SPHKAP: variants seen among roughly 807,000 people sequenced by gnomAD.
The protein encoded by SPHKAP is A-kinase anchor protein SPHKAP.
In SPHKAP, 67 loss-of-function variants were observed where a neutral mutation model predicts 137.5. The observed-to-expected ratio is 0.49, with a 90% confidence interval of 0.40 to 0.60. The LOEUF is 0.60. SPHKAP is among the 20% of genes least tolerant of loss of function. The pLI, the probability that SPHKAP is intolerant of heterozygous loss-of-function variation, is 0.00. For missense variants in SPHKAP, 2,097 were observed against 2,069.3 expected (o/e 1.01, Z -0.26); for synonymous variants, 813 against 785.3 (o/e 1.04, Z -0.59).
chr2:228,037,251 A>G (rs925607281), intron 3 of SPHKAP, among the ~76,000 whole-genome samples: 17 of 152,324 alleles, frequency 1.1e-4, no homozygotes, highest in African/African-American at 3.8e-4. Context: ...TCAATGCTGT[A>G]CTATCAAATG....
chr2:227,993,670 T>A, intron 8 of SPHKAP, 50 bp from the exon 9 acceptor site: 1 of 1,466,242 alleles, frequency 6.8e-7, no homozygotes, highest in Non-Finnish European at 9.4e-7. Context: ...CCCTCTAACA[T>A]GCTGCTGACA....
At chr2:228,112,335 T>C (rs1308704504) in intron 2 of SPHKAP, among the ~76,000 whole-genome samples, 1 of 152,198 alleles carries the variant, frequency 6.6e-6, no homozygotes, top group East Asian at 1.9e-4. Context: ...TAACAAACAT[T>C]CTGACTAAGA....
intron 3 of SPHKAP, among the ~76,000 whole-genome samples, chr2:228,103,804 T>C (rs1698248578): frequency 6.6e-6 from 1 of 152,192 alleles, no homozygotes; most frequent in Non-Finnish European, 1.5e-5. Context: ...GTACCCCCTG[T>C]ACAATGGGTA....
At chr2:227,995,719 C>A in intron 7 of SPHKAP, 25 bp from the exon 8 acceptor site, 1 of 1,530,160 alleles carries the variant, frequency 6.5e-7, no homozygotes, top group South Asian at 1.3e-5. Flanking sequence ...ATATTATTAC[C>A]AAGAGAGGCA....
intron 9 of SPHKAP, 57 bp from the exon 10 acceptor site, chr2:227,991,383 T>C: frequency 6.2e-7 from 1 of 1,612,794 alleles, no homozygotes; most frequent in South Asian, 1.1e-5. Context: ...AAGCTGTAAA[T>C]GAAAGATGAG....
intron 7 of SPHKAP, among the ~76,000 whole-genome samples, chr2:228,010,377 G>T (rs1694322377): frequency 6.6e-6 from 1 of 151,962 alleles, no homozygotes; most frequent in Non-Finnish European, 1.5e-5. Context: ...AAATACGAAA[G>T]AAAAATTAGC....
chr2:228,078,928 C>T (rs1037941596), intron 3 of SPHKAP, among the ~76,000 whole-genome samples: 2 of 152,138 alleles, frequency 1.3e-5, no homozygotes, highest in Non-Finnish European at 2.9e-5. Context: ...TCCAGGCACC[C>T]TCCAGAACCT....
chr2:228,168,400 A>G (rs987692978), intron 1 of SPHKAP, among the ~76,000 whole-genome samples: 2 of 152,182 alleles, frequency 1.3e-5, no homozygotes, highest in African/African-American at 4.8e-5. Flanking sequence ...TTTCCAAACA[A>G]CATGTGTTCC....
At chr2:228,102,860 A>T (rs536766293) in intron 3 of SPHKAP, among the ~76,000 whole-genome samples, 1 of 151,996 alleles carries the variant, frequency 6.6e-6, no homozygotes, top group East Asian at 1.9e-4. Context: ...TCTCACCCCA[A>T]CCTCCCAAAT....
chr2:228,119,828 T>C (rs1314511317), intron 2 of SPHKAP, among the ~76,000 whole-genome samples: 1 of 152,134 alleles, frequency 6.6e-6, no homozygotes, highest in Non-Finnish European at 1.5e-5. Flanking sequence ...GATGATTTTA[T>C]TGGATGACTG....
chr2:228,106,369 G>C (rs1332505664), intron 3 of SPHKAP, among the ~76,000 whole-genome samples: 2 of 152,102 alleles, frequency 1.3e-5, no homozygotes, highest in East Asian at 3.9e-4. Context: ...AGTTAAAGAA[G>C]CAAGAATAAC....
intron 3 of SPHKAP, among the ~76,000 whole-genome samples, chr2:228,086,155 C>T (rs1697531242): frequency 6.6e-6 from 1 of 150,510 alleles, no homozygotes; most frequent in Admixed American, 6.6e-5. Context: ...CCCAGTGAAA[C>T]AACAAAAAAA....
intron 2 of SPHKAP, among the ~76,000 whole-genome samples, chr2:228,124,664 A>G (rs1487258583): frequency 6.6e-6 from 1 of 152,026 alleles, no homozygotes; most frequent in Non-Finnish European, 1.5e-5. Context: ...GCACACCAAC[A>G]TGGCACATGT....
At chr2:228,155,253 G>A (rs560525549) in intron 1 of SPHKAP, among the ~76,000 whole-genome samples, 5 of 151,730 alleles carry the variant, frequency 3.3e-5, no homozygotes, top group Non-Finnish European at 7.4e-5. Context: ...ACAAAAGTTC[G>A]TGGAGTAAGA....
At chr2:228,073,542 G>T (rs1196501658) in intron 3 of SPHKAP, among the ~76,000 whole-genome samples, 2 of 152,178 alleles carry the variant, frequency 1.3e-5, no homozygotes, top group Non-Finnish European at 2.9e-5. Context: ...TTAATGTACT[G>T]CCTGCCTCTC....
At chr2:228,036,955 G>A (rs1574784199) in intron 3 of SPHKAP, among the ~76,000 whole-genome samples, 2 of 152,098 alleles carry the variant, frequency 1.3e-5, no homozygotes, top group East Asian at 1.9e-4. Flanking sequence ...AATGGGTGCA[G>A]CACACCAACA....
chr2:228,106,250 G>A (rs1242762126), intron 3 of SPHKAP, among the ~76,000 whole-genome samples: 1 of 152,132 alleles, frequency 6.6e-6, no homozygotes, highest in Non-Finnish European at 1.5e-5. Context: ...AACATACTGA[G>A]ATCAAAGAAA....
Position 227,993,971 on chromosome 2 carries a change from T to A in SPHKAP, c.4635-351A>T, listed in dbSNP as rs866480815. The A allele has an allele frequency of 3.0e-5, 25 of 824,412 alleles. No homozygotes were observed. In the African/African-American group the frequency reaches 4.3e-4, roughly 14 times the overall value. 51.1% of individuals were successfully genotyped at this position (824,412 alleles called of 1,614,324 possible). On this transcript the variant is annotated intron_variant, in intron 8 of 11. Coordinates refer to ENST00000392056, the MANE Select transcript of SPHKAP (RefSeq NM_001142644.2). ...TAGTTACGGTGAAGGTATTTATCTA[T>A]CGGCAAGAGATTTCTTGCTGCTGGG... is the stretch of plus-strand genomic sequence containing the variant.
At chr2:228,140,676 T>C (rs940366376) in intron 1 of SPHKAP, among the ~76,000 whole-genome samples, 8 of 152,078 alleles carry the variant, frequency 5.3e-5, no homozygotes, top group African/African-American at 1.9e-4. Context: ...AAGTGGGGCA[T>C]GGTGGGAAGT....
Sources: gnomAD v4.1 joint callset for allele counts (sites outside exome capture counted in the v4.1 genomes callset) on GRCh38, gnomAD v4.1.1 for gene constraint, MANE v1.5 for transcripts, NCBI Gene and HGNC (gene_info 2026-07-23, HGNC 2026-07-21) for gene names.